The following MYT1L variants were observed in gnomAD, a reference collection of about 807,000 sequenced individuals.
The protein encoded by MYT1L is myelin transcription factor 1 like.
A neutral mutation model predicts 126.7 loss-of-function variants in MYT1L; 12 were observed. The ratio of observed to expected loss-of-function variants is 0.09; its 90% CI spans 0.06 to 0.15. MYT1L has a LOEUF of 0.15. Among genes scored for constraint, MYT1L ranks in the 10% least tolerant of loss-of-function variants. The pLI, the probability that MYT1L is intolerant of heterozygous loss-of-function variation, is 1.00. For synonymous variants in MYT1L, 541 were observed against 604.2 expected, an observed-to-expected ratio of 0.90 and a Z score of 1.53; for missense variants, 979 against 1,585.2, an observed-to-expected ratio of 0.62 and a Z score of 6.49.
At position 1,917,997 on chromosome 2, in the gene MYT1L, C is replaced by T. The variant is rs1340262851; in HGVS notation, c.1484-658G>A. Among the ~76,000 whole-genome samples, 1 of 152,168 alleles carries T rather than the reference C, an allele frequency of 6.6e-6. No individual in the cohort carries two copies. Among genetic ancestry groups the T allele is most frequent in the East Asian group, 1.9e-4 (1 of 5,184 alleles). ...ACGGGTAATCAACATGTTTCAGAAG[C>T]CACGGGAGCAGCCTTTTGTTTTGAT... On this transcript the variant is annotated intron_variant, in intron 10 of 24. Coordinates refer to ENST00000647738, the MANE Select transcript of MYT1L (RefSeq NM_001303052.2). The surrounding 1 kb of genome is among the most constrained non-coding windows in gnomAD (Gnocchi z 5.9).
intron 8 of MYT1L, among the ~76,000 whole-genome samples, chr2:1,970,857 T>A (rs184211283): frequency 0.017 from 2,604 of 152,334 alleles, 69 homozygotes; most frequent in African/African-American, 0.058. Context: ...GTATATTTTT[T>A]AATTATTAGT....
chr2:2,052,393 T>G (rs541338621), intron 4 of MYT1L, among the ~76,000 whole-genome samples: 13 of 152,304 alleles, frequency 8.5e-5, no homozygotes, highest in African/African-American at 2.9e-4. Flanking sequence ...ATTGATTGGA[T>G]ATGATACCCA....
At chr2:1,964,992 G>A (rs1382699534) in intron 8 of MYT1L, among the ~76,000 whole-genome samples, 2 of 152,208 alleles carry the variant, frequency 1.3e-5, no homozygotes, top group Admixed American at 6.5e-5. Context: ...CATTTGCCTG[G>A]GGTGAAAATG....
chr2:2,155,794 T>C (rs1030209705), intron 3 of MYT1L, among the ~76,000 whole-genome samples: 2 of 152,142 alleles, frequency 1.3e-5, no homozygotes, highest in Admixed American at 6.5e-5. Context: ...AATGTTCACA[T>C]CATCTTTCAC....
intron 9 of MYT1L, among the ~76,000 whole-genome samples, chr2:1,935,477 G>A (rs960228477): frequency 3.6e-4 from 55 of 152,294 alleles, no homozygotes; most frequent in Non-Finnish European, 6.9e-4. Context: ...TAAATGGGTG[G>A]GAGCATAATA....
intron 8 of MYT1L, among the ~76,000 whole-genome samples, chr2:1,976,354 T>C (rs2060185979): frequency 6.6e-6 from 1 of 152,070 alleles, no homozygotes; most frequent in Non-Finnish European, 1.5e-5. Context: ...AAAAAAACAA[T>C]GCCAGGGCCA....
intron 1 of MYT1L, among the ~76,000 whole-genome samples, chr2:2,301,595 G>A (rs1392335484): frequency 1.3e-5 from 2 of 152,132 alleles, no homozygotes; most frequent in African/African-American, 4.8e-5. Flanking sequence ...TTGGGAGGCT[G>A]AGGCAGTAGG....
chr2:2,131,507 T>A (rs1043168795), intron 3 of MYT1L, among the ~76,000 whole-genome samples: 2 of 152,214 alleles, frequency 1.3e-5, no homozygotes, highest in Non-Finnish European at 2.9e-5. Flanking sequence ...ATTAGATTGA[T>A]AAATGTGATG....
At chr2:1,888,302 T>A (rs1224453723) in intron 16 of MYT1L, among the ~76,000 whole-genome samples, 2 of 152,176 alleles carry the variant, frequency 1.3e-5, no homozygotes, top group Non-Finnish European at 2.9e-5. Context: ...ATGCCTTATT[T>A]GGTAGTAATG....
intron 2 of MYT1L, among the ~76,000 whole-genome samples, chr2:2,231,946 G>C (rs2094172507): frequency 6.6e-6 from 1 of 152,130 alleles, no homozygotes; most frequent in African/African-American, 2.4e-5. Flanking sequence ...GATTATTGTG[G>C]TTCTTCTCAG....
chr2:2,223,945 G>C (rs1165001547), intron 2 of MYT1L, among the ~76,000 whole-genome samples: 1 of 152,284 alleles, frequency 6.6e-6, no homozygotes, highest in Non-Finnish European at 1.5e-5. Context: ...TGAAGGAAAC[G>C]CAAATTCAAA....
chr2:2,157,144 C>T (rs565849416), intron 3 of MYT1L, among the ~76,000 whole-genome samples: 13 of 152,252 alleles, frequency 8.5e-5, no homozygotes, highest in African/African-American at 2.9e-4. Flanking sequence ...ATAAAACAAT[C>T]AAGCAGATCA....
chr2:2,079,360 A>G (rs946480983), intron 3 of MYT1L, among the ~76,000 whole-genome samples: 1 of 152,252 alleles, frequency 6.6e-6, no homozygotes, highest in Non-Finnish European at 1.5e-5. Context: ...AAATAAATGG[A>G]AAGACATGTT....
At chr2:1,941,614 C>A (rs1020291630) in intron 9 of MYT1L, among the ~76,000 whole-genome samples, 9 of 152,250 alleles carry the variant, frequency 5.9e-5, no homozygotes, top group Middle Eastern at 3.4e-3. Flanking sequence ...ACCCAGCATT[C>A]TACCATAGCG....
rs567576552 is a variant in MYT1L at position 1,868,028 on chromosome 2, G to A, written c.2712-16325C>T. On this transcript the variant is annotated intron_variant, in intron 18 of 24. Transcript: ENST00000647738. The stretch of plus-strand genomic sequence containing the variant: ...TGTCACCAGGCTGGAGTGCAGTGGC[G>A]TGATCTTGGCTCACTGCTACCTCCG... Among the ~76,000 whole-genome samples, 26 of 147,812 alleles carry A rather than the reference G, an allele frequency of 1.8e-4. No individual in the cohort carries two copies. In the South Asian group the frequency reaches 3.8e-3, roughly 22 times the overall value.
In MYT1L at chr2:2,229,458, T is replaced by C. The variant is rs193027427; in HGVS notation, c.-421+54946A>G. On this transcript the variant is annotated intron_variant, in intron 2 of 24. Transcript: ENST00000647738. ...TTTCTTTCTTTCTTTTTTTTTTGTG[T>C]GTGGATACAGTCTCACTCTGCTGCG... is the stretch of plus-strand genomic sequence containing the variant. Among the ~76,000 whole-genome samples the C allele has an allele frequency of 1.8e-3, 279 of 152,208 alleles. 1 individual carries two copies. The highest frequency in any genetic ancestry group is 2.8e-3 in the Non-Finnish European group (191 of 68,022).
chr2:2,312,733 C>T (rs2095995199), intron 1 of MYT1L, among the ~76,000 whole-genome samples: 1 of 152,136 alleles, frequency 6.6e-6, no homozygotes. Flanking sequence ...GAGATAGAGA[C>T]AAAGTCGGCA....
chr2:2,066,920 G>A (rs1461456619), intron 3 of MYT1L, among the ~76,000 whole-genome samples: 1 of 152,182 alleles, frequency 6.6e-6, no homozygotes, highest in African/African-American at 2.4e-5. Flanking sequence ...GCCTCTAGAG[G>A]GAAAGTCACA....
intron 23 of MYT1L, among the ~76,000 whole-genome samples, chr2:1,794,496 G>C (rs911320370): frequency 6.6e-6 from 1 of 152,252 alleles, no homozygotes; most frequent in Non-Finnish European, 1.5e-5. Flanking sequence ...TAGGGGCCCA[G>C]AGTAAACGGA....
Sources: allele counts gnomAD v4.1 joint callset (sites outside exome capture counted in the v4.1 genomes callset), GRCh38; gene constraint gnomAD v4.1.1; non-coding constraint Gnocchi (gnomAD v3.1); transcripts MANE v1.5; gene names NCBI Gene and HGNC (gene_info 2026-07-23, HGNC 2026-07-21).